AATK: variants seen among roughly 807,000 people sequenced by gnomAD.
The protein encoded by AATK is lemur tail kinase 1.
Under a neutral mutation model 114.3 loss-of-function variants are expected in AATK, and 91 were observed. The observed-to-expected ratio is 0.80, with a 90% CI of 0.67 to 0.95. The LOEUF (loss-of-function observed/expected upper bound fraction) is 0.95, where lower values mean the gene tolerates loss of function less well. Among genes scored for constraint, AATK ranks in the 40% least tolerant of loss-of-function variants. AATK has a pLI of 0.00. For missense variants in AATK, 2,176 were observed against 1,965.2 expected, an observed-to-expected ratio of 1.11 and a Z score of -2.03; for synonymous variants, 1,075 against 916.5, an observed-to-expected ratio of 1.17 and a Z score of -3.12.
At chr17:81,129,231 G>A (rs566919709) in intron 3 of AATK, among the ~76,000 whole-genome samples, 2 of 152,376 alleles carry the variant, frequency 1.3e-5, no homozygotes, top group Non-Finnish European at 2.9e-5. Flanking sequence ...GAGCCCAGGG[G>A]GAGGGGGCTC....
At chr17:81,133,332 C>T (rs754957562) in intron 2 of AATK, 11 of 402,596 alleles carry the variant, frequency 2.7e-5, no homozygotes, top group African/African-American at 2.1e-4. Flanking sequence ...GCTCCTTGGC[C>T]CATTCTGCGT....
intron 1 of AATK, among the ~76,000 whole-genome samples, chr17:81,146,057 C>T (rs905974989): frequency 2.0e-5 from 3 of 151,566 alleles, no homozygotes; most frequent in South Asian, 2.1e-4. Context: ...GGCGTGGTGG[C>T]GGACACCTGT....
chr17:81,121,521 C>T lies in AATK; in HGVS notation c.2415G>A (p.Glu805=). 1 of 1,543,446 alleles carries T rather than the reference C, an allele frequency of 6.5e-7. No individual in the cohort carries two copies. Among genetic ancestry groups the T allele is most frequent in the South Asian group, 1.2e-5 (1 of 80,210 alleles). ...PLPSVPSPSQ[E]GAPLPSEEAS... is the part of the protein sequence containing the mutation. ...CCTCCTCCGAGGGAAGTGGGGCTCC[C>T]TCCTGGGATGGGGAGGGGACGGAAG... The change falls in exon 11 of 14, where the codon GAG becomes GAA. Residue 805 remains glutamate, a synonymous_variant. Transcript: ENST00000326724.
intron 1 of AATK, among the ~76,000 whole-genome samples, chr17:81,143,618 A>T (rs915966471): frequency 3.3e-5 from 5 of 150,678 alleles, no homozygotes; most frequent in African/African-American, 1.2e-4. Context: ...AGCCTCCTCG[A>T]CCCCTCTGGC....
Position 81,134,055 on chromosome 17 carries a change from C to A in AATK, c.189+313G>T, listed in dbSNP as rs11868383. 6.9e-3 allele frequency among the ~76,000 whole-genome samples: 1,053 copies of A among 152,256 alleles called. 14 individuals carry two copies. The highest frequency in any genetic ancestry group is 0.024 in the African/African-American group (1,005 of 41,546). On this transcript the variant is annotated intron_variant, in intron 2 of 13. Coordinates refer to ENST00000326724, the MANE Select transcript of AATK (RefSeq NM_001080395.3). ...GCCCCCTCCCACACCAGCTCCAGAG[C>A]CCCCGACGCCCCCTGCAAGGCTGTC...
At chr17:81,130,309 G>A (rs1280282788) in intron 3 of AATK, among the ~76,000 whole-genome samples, 1 of 152,164 alleles carries the variant, frequency 6.6e-6, no homozygotes, top group Non-Finnish European at 1.5e-5. Flanking sequence ...AGATCTGATA[G>A]CTCTGGAGGG....
intron 1 of AATK, chr17:81,160,337 GC>G: frequency 3.8e-6 from 3 of 779,364 alleles, no homozygotes; most frequent in Non-Finnish European, 4.6e-6. Context: ...CAAGGCCGCA[GC>G]CCCCTGACCC....
At chr17:81,138,411 G>T (rs769569833) in intron 1 of AATK, among the ~76,000 whole-genome samples, 2 of 129,232 alleles carry the variant, frequency 1.5e-5, no homozygotes, top group African/African-American at 6.1e-5. Flanking sequence ...CCACACGTGC[G>T]TGCACATACC....
chr17:81,119,315 C>T lies in AATK; in HGVS notation c.4084+65G>A. The T allele has an allele frequency of 9.6e-6, 12 of 1,245,148 alleles. No homozygotes were observed. In the South Asian group the frequency reaches 1.6e-4, roughly 16 times the overall value. The allele number at this position is 1,245,148 out of a possible 1,614,324, so 77.1% of individuals were successfully genotyped here. On this transcript the variant is annotated intron_variant, in intron 13 of 13. Coordinates refer to ENST00000326724, the MANE Select transcript of AATK (RefSeq NM_001080395.3). ...GCCCAGGACCTAGACGGAGGGGCCCCACCCTCGGAGCTCCGTGCCCTGCCT... is the reference window on the plus strand; with the variant it reads ...GCCCAGGACCTAGACGGAGGGGCCCTACCCTCGGAGCTCCGTGCCCTGCCT...
intron 1 of AATK, among the ~76,000 whole-genome samples, chr17:81,154,252 C>T (rs562843877): frequency 2.6e-5 from 4 of 152,004 alleles, no homozygotes; most frequent in Non-Finnish European, 5.9e-5. Context: ...TGCAACTGCC[C>T]GTCACCTGGC....
chr17:81,128,271 A>G (rs62075262), intron 4 of AATK, among the ~76,000 whole-genome samples, 199 bp downstream of exon 4: 11,370 of 152,074 alleles, frequency 0.075, 474 homozygotes, highest in South Asian at 0.11. Flanking sequence ...CTCCCCAGGT[A>G]CCTCTGACCC....
intron 13 of AATK, 116 bp downstream of exon 13, chr17:81,119,263 GA>G (rs2060647607): frequency 1.8e-6 from 2 of 1,124,424 alleles, no homozygotes; most frequent in African/African-American, 1.7e-5. Flanking sequence ...GGAAGGAGCG[GA>G]GCGGAGCGGA....
At position 81,126,645 on chromosome 17, in the gene AATK, C is replaced by T; in HGVS notation, c.622-85G>A. On this transcript the variant is annotated intron_variant, in intron 6 of 13. Transcript: ENST00000326724. This position sits in a 1 kb window ranked among gnomAD's most constrained non-coding sequence, Gnocchi z 5.1. ...TCCCCACCTACCTCCCCAACTCCTC[C>T]ACCCCTACCCACAGCTGAGGGACAG... is the stretch of plus-strand genomic sequence containing the variant. 6.8e-7 allele frequency: 1 copy of T among 1,478,462 alleles called. No homozygotes were observed. The highest frequency in any genetic ancestry group is 1.3e-5 in the South Asian group (1 of 75,002). The allele number at this position is 1,478,462 out of a possible 1,614,324, so 91.6% of individuals were successfully genotyped here.
intron 2 of AATK, chr17:81,133,197 C>G: frequency 2.0e-6 from 1 of 487,976 alleles, no homozygotes; most frequent in Non-Finnish European, 4.2e-6. Context: ...GTTGATGGGG[C>G]CTGTGGCCAC....
rs370659783 is a variant in AATK, at chr17:81,120,983, C to T, written c.2953G>A (p.Gly985Ser). Reference protein sequence around the residue: ...PETRLSTSLSGLNEKNPYRDS... With the variant: ...PETRLSTSLSSLNEKNPYRDS... ...CGGTAGGGATTCTTCTCGTTGAGGC[C>T]ACTGAGGGAGGTGGAGAGCCGTGTC... Residue 985 changes from glycine (G) to serine (S), a missense_variant, in exon 11 of 14, where the codon GGC becomes AGC. Gly to Ser is a moderately conservative substitution (Grantham distance 56). This residue lies in a region of AATK where 1,701 missense variants were observed against 1,394.7 expected (regional missense o/e 1.22). Transcript: ENST00000326724. The T allele has an allele frequency of 3.1e-6, 5 of 1,610,512 alleles. No individual in the cohort carries two copies. The highest frequency in any genetic ancestry group is 1.7e-5 in the Admixed American group (1 of 59,776).
At position 81,131,184 on chromosome 17, in the gene AATK, C is replaced by T. The variant is rs1224851568; in HGVS notation, c.211G>A (p.Asp71Asn). The change falls in exon 3 of 14, where the codon GAC becomes AAC. Residue 71 changes from aspartate to asparagine, a missense_variant. By Grantham distance (23) the Asp-to-Asn change is conservative (BLOSUM62 1). Coordinates refer to ENST00000326724, the MANE Select transcript of AATK (RefSeq NM_001080395.3). ...GFKEFENAEGDEYAADLAQGS... is the reference protein window; with the variant it reads ...GFKEFENAEGNEYAADLAQGS... ...TGCGCCAGGTCGGCTGCGTACTCGT[C>T]CCCCTCCGCATTCTCAAACTCCTGC... The T allele has an allele frequency of 1.9e-6, 3 of 1,581,288 alleles. No individual in the cohort carries two copies. Among genetic ancestry groups the T allele is most frequent in the Middle Eastern group, 1.7e-4 (1 of 6,028 alleles).
At chr17:81,128,941 C>T in intron 3 of AATK, 1 of 1,093,986 alleles carries the variant, frequency 9.1e-7, no homozygotes, top group Admixed American at 4.3e-5. Context: ...GGCCCACCCC[C>T]ACCCTGCCGC....
chr17:81,139,853 G>C (rs772184075), intron 1 of AATK, among the ~76,000 whole-genome samples: 1 of 152,172 alleles, frequency 6.6e-6, no homozygotes, highest in Non-Finnish European at 1.5e-5. Context: ...ATGCACACAC[G>C]TGTCCAGGCT....
chr17:81,144,868 C>G lies in AATK; in HGVS notation c.56-10367G>C, dbSNP rs1295278823. On this transcript the variant is annotated intron_variant, in intron 1 of 13. Transcript: ENST00000326724. Reference sequence around the variant, plus strand: ...CGTCAAAAGCTACAATAATTAGAACCTCACAGTGCTGGGGCACAAACCCAC... The same window carrying G: ...CGTCAAAAGCTACAATAATTAGAACGTCACAGTGCTGGGGCACAAACCCAC... Among the ~76,000 whole-genome samples the G allele has an allele frequency of 2.6e-5, 4 of 152,224 alleles. No individual in the cohort carries two copies. The East Asian group carries it at 5.8e-4, about 22-fold the overall frequency.
Sources: allele counts gnomAD v4.1 joint callset (sites outside exome capture counted in the v4.1 genomes callset), GRCh38; gene constraint gnomAD v4.1.1; regional missense constraint gnomAD v4.1.1; non-coding constraint Gnocchi (gnomAD v3.1); transcripts MANE v1.5; gene names NCBI Gene and HGNC (gene_info 2026-07-23, HGNC 2026-07-21).